Variants in CAB39L observed in about 807,000 individuals in gnomAD.
CAB39L encodes the protein calcium binding protein 39 like, also known as calcium-binding protein 39-like.
Under a neutral mutation model 39.1 loss-of-function variants are expected in CAB39L, and 23 were observed. That is an observed-to-expected ratio of 0.59 (90% CI 0.42 to 0.83). The LOEUF (loss-of-function observed/expected upper bound fraction) is 0.83, where lower values mean the gene tolerates loss of function less well. Ranked by LOEUF, CAB39L falls within the 40% of genes least tolerant of loss-of-function variation. The pLI is 0.00. For synonymous variants in CAB39L, 126 were observed against 137.2 expected (o/e 0.92, Z 0.57); for missense variants, 366 against 391.9 (o/e 0.93, Z 0.56).
intron 3 of CAB39L, among the ~76,000 whole-genome samples, chr13:49,389,145 T>C (rs948545549): frequency 3.3e-5 from 5 of 152,196 alleles, no homozygotes; most frequent in African/African-American, 9.6e-5. Context: ...ACAGCCACTA[T>C]AAGAAACGGT....
chr13:49,334,331 A>G (rs563792377), intron 9 of CAB39L, among the ~76,000 whole-genome samples: 8 of 152,326 alleles, frequency 5.3e-5, no homozygotes, highest in African/African-American at 1.9e-4. Context: ...AGATTCCCAT[A>G]GATTTAGAAA....
intron 3 of CAB39L, among the ~76,000 whole-genome samples, chr13:49,415,154 GC>G (rs1399218825): frequency 2.6e-5 from 4 of 151,962 alleles, no homozygotes; most frequent in Non-Finnish European, 5.9e-5. Flanking sequence ...CCAAGATCAT[GC>G]CACTGCACTC....
intron 4 of CAB39L, among the ~76,000 whole-genome samples, chr13:49,378,572 G>C (rs1402027900): frequency 1.4e-5 from 1 of 69,556 alleles, no homozygotes; most frequent in African/African-American, 8.6e-5. Context: ...CAGCCGCCCC[G>C]TCCGGGAGGG....
chr13:49,338,542 C>G (rs1482666921), intron 9 of CAB39L, among the ~76,000 whole-genome samples: 1 of 151,190 alleles, frequency 6.6e-6, no homozygotes, highest in African/African-American at 2.4e-5. Flanking sequence ...GGGAGATATA[C>G]CTAATGCTAG....
At chr13:49,364,759 T>C (rs1481455730) in intron 5 of CAB39L, among the ~76,000 whole-genome samples, 1 of 151,694 alleles carries the variant, frequency 6.6e-6, no homozygotes, top group East Asian at 1.9e-4. Context: ...ATCTCCATAA[T>C]GAAAACTATA....
intron 5 of CAB39L, among the ~76,000 whole-genome samples, chr13:49,374,326 T>A (rs550225817): frequency 6.6e-6 from 1 of 152,174 alleles, no homozygotes; most frequent in Non-Finnish European, 1.5e-5. Context: ...AAGTATATAA[T>A]ACATTTTATT....
At chr13:49,393,682 G>A (rs1158462583) in intron 3 of CAB39L, among the ~76,000 whole-genome samples, 1 of 151,728 alleles carries the variant, frequency 6.6e-6, no homozygotes, top group Non-Finnish European at 1.5e-5. Context: ...GGAAAGATTT[G>A]AGGTTAAAAA....
At chr13:49,328,998 A>C (rs1228827361) in intron 10 of CAB39L, among the ~76,000 whole-genome samples, 4 of 152,206 alleles carry the variant, frequency 2.6e-5, no homozygotes, top group Non-Finnish European at 4.4e-5. Context: ...TGTATACTGC[A>C]GGGTAAGATT....
Position 49,382,566 on chromosome 13 carries a change from G to A in CAB39L, c.111+234C>T, listed in dbSNP as rs186366151. On this transcript the variant is annotated intron_variant, in intron 4 of 10. Coordinates refer to ENST00000409308, the MANE Select transcript of CAB39L (RefSeq NM_001079670.3). ...ATAACCTTTTAGATCTTTAAGCTGTGTAGTCTAGAGGGATCCGGTGTGGTC... is the reference window on the plus strand; with the variant it reads ...ATAACCTTTTAGATCTTTAAGCTGTATAGTCTAGAGGGATCCGGTGTGGTC... 13 of 340,326 alleles carry A rather than the reference G, an allele frequency of 3.8e-5. No homozygotes were observed. In the East Asian group the frequency reaches 6.6e-4, roughly 17 times the overall value. The allele number at this position is 340,326 out of a possible 1,614,324, so 21.1% of individuals were successfully genotyped here. A position where few individuals can be genotyped will look rare whatever the true frequency, so the allele number is the denominator to read the frequency against.
chr13:49,322,470 G>A (rs1207241988), intron 10 of CAB39L, among the ~76,000 whole-genome samples: 1 of 152,190 alleles, frequency 6.6e-6, no homozygotes, highest in Non-Finnish European at 1.5e-5. Context: ...TCACTGCAGT[G>A]TCACATACAG....
At chr13:49,325,609 C>T (rs546760043) in intron 10 of CAB39L, among the ~76,000 whole-genome samples, 64 of 152,080 alleles carry the variant, frequency 4.2e-4, no homozygotes, top group Middle Eastern at 3.4e-3. Context: ...GCCAACATGG[C>T]AAAACCTCAT....
At chr13:49,333,641 G>A (rs534798232) in intron 9 of CAB39L, among the ~76,000 whole-genome samples, 2 of 144,434 alleles carry the variant, frequency 1.4e-5, no homozygotes, top group Admixed American at 7.2e-5. Context: ...GCGCGATCTC[G>A]GCTCACTGCA....
chr13:49,431,870 T>C (rs987048242), intron 3 of CAB39L, among the ~76,000 whole-genome samples: 2 of 148,292 alleles, frequency 1.3e-5, no homozygotes, highest in African/African-American at 5.0e-5. Flanking sequence ...AGCTAAAAAT[T>C]AGAAACAATT....
chr13:49,382,591 C>G, intron 4 of CAB39L: 1 of 456,856 alleles, frequency 2.2e-6, no homozygotes. Context: ...CCGGTGTGGT[C>G]AGAGTCTCTA....
intron 3 of CAB39L, among the ~76,000 whole-genome samples, chr13:49,387,353 A>G (rs1453434743): frequency 6.6e-6 from 1 of 152,240 alleles, no homozygotes; most frequent in Non-Finnish European, 1.5e-5. Flanking sequence ...AGTCTACCTC[A>G]GAGTTTTAAG....
intron 1 of CAB39L, among the ~76,000 whole-genome samples, chr13:49,439,383 C>A (rs1193785999): frequency 1.3e-5 from 2 of 152,178 alleles, no homozygotes; most frequent in African/African-American, 4.8e-5. Flanking sequence ...TGGAGTATGA[C>A]AGATCCTGTC....
intron 5 of CAB39L, among the ~76,000 whole-genome samples, chr13:49,367,295 T>G (rs1182067559): frequency 1.3e-5 from 2 of 152,018 alleles, no homozygotes; most frequent in African/African-American, 4.8e-5. Flanking sequence ...ATTAGGGAAA[T>G]GAAAATCAAA....
chr13:49,345,766 C>G (rs1955133980), intron 7 of CAB39L, among the ~76,000 whole-genome samples: 1 of 152,018 alleles, frequency 6.6e-6, no homozygotes, highest in South Asian at 2.1e-4. Context: ...GATTGCTGCA[C>G]CCATGGGAGT....
At position 49,414,840 on chromosome 13, in the gene CAB39L, G is replaced by A. The variant is rs1023563803; in HGVS notation, c.-32+18478C>T. Among the ~76,000 whole-genome samples the A allele has an allele frequency of 2.6e-4, 39 of 152,056 alleles. 1 individual carries two copies. Among genetic ancestry groups the A allele is most frequent in the Admixed American group, 7.9e-4 (12 of 15,266 alleles). ...AAATTTTCTACAATAGCATTTATAA[G>A]TGGAAAATTTGTTTTAAAAAAGGAG... On this transcript the variant is annotated intron_variant, in intron 3 of 10. Transcript: ENST00000409308.
Sources: gnomAD v4.1 joint callset for allele counts (sites outside exome capture counted in the v4.1 genomes callset) on GRCh38, gnomAD v4.1.1 for gene constraint, MANE v1.5 for transcripts, NCBI Gene and HGNC (gene_info 2026-07-23, HGNC 2026-07-21) for gene names.